The following SERPING1 variants were observed in gnomAD, a reference collection of about 807,000 sequenced individuals.
The protein encoded by SERPING1 is serpin family G member 1.
A neutral mutation model predicts 34.1 loss-of-function variants in SERPING1; 5 were observed. The observed-to-expected ratio is 0.15, with a 90% CI of 0.08 to 0.31. SERPING1 has a LOEUF of 0.31. SERPING1 is among the 10% of genes least tolerant of loss of function. The pLI, the probability that SERPING1 is intolerant of heterozygous loss-of-function variation, is 1.00. For synonymous variants in SERPING1, 225 were observed against 242.4 expected (o/e 0.93, Z 0.67); for missense variants, 505 against 609.5 (o/e 0.83, Z 1.81).
At chr11:57,601,128 C>T (rs1055209372) in intron 3 of SERPING1, among the ~76,000 whole-genome samples, 26 of 151,710 alleles carry the variant, frequency 1.7e-4, no homozygotes, top group African/African-American at 5.8e-4. Flanking sequence ...AGGCCGGATG[C>T]GGTGGTTCAC....
chr11:57,610,977 C>T (rs1393394988), intron 6 of SERPING1, among the ~76,000 whole-genome samples: 1 of 152,076 alleles, frequency 6.6e-6, no homozygotes, highest in Non-Finnish European at 1.5e-5. Context: ...GCTCTGTCAC[C>T]AGGCTGGAGT....
At chr11:57,606,943 T>A (rs1340708348) in intron 6 of SERPING1, 2 of 413,072 alleles carry the variant, frequency 4.8e-6, no homozygotes, top group African/African-American at 4.1e-5. Context: ...AAGTATATCC[T>A]TGTATATGCA....
intron 6 of SERPING1, chr11:57,606,782 T>C (rs757288809): frequency 2.9e-5 from 20 of 692,220 alleles, no homozygotes; most frequent in Non-Finnish European, 4.7e-5. Context: ...GCATCTCTAC[T>C]ATATTGAATG....
intron 4 of SERPING1, among the ~76,000 whole-genome samples, chr11:57,603,824 GC>G (rs1945377473): frequency 7.1e-6 from 1 of 140,170 alleles, no homozygotes; most frequent in African/African-American, 2.7e-5. Flanking sequence ...GGGCAACAGA[GC>G]GAGACACCAT....
chr11:57,608,205 T>C (rs1447547900), intron 6 of SERPING1, among the ~76,000 whole-genome samples: 1 of 152,198 alleles, frequency 6.6e-6, no homozygotes, highest in Non-Finnish European at 1.5e-5. Context: ...GGCTATTTAA[T>C]CAAAGCCATA....
intron 4 of SERPING1, chr11:57,605,500 C>T (rs760495274): frequency 8.6e-5 from 15 of 175,092 alleles, no homozygotes; most frequent in East Asian, 1.5e-4. Context: ...CAAAGTGCTG[C>T]GATTACAGGT....
intron 1 of SERPING1, 137 bp from the exon 2 acceptor site, chr11:57,598,112 T>C: frequency 1.6e-6 from 1 of 606,812 alleles, no homozygotes; most frequent in Non-Finnish European, 2.9e-6. Context: ...AGGGAGAAGG[T>C]GGCCCCAGGA....
At chr11:57,598,112 TGGC>T (rs1351468677) in intron 1 of SERPING1, 134 bp from the exon 2 acceptor site, 9 of 606,692 alleles carry the variant, frequency 1.5e-5, no homozygotes, top group Non-Finnish European at 2.3e-5. Flanking sequence ...AGGGAGAAGG[TGGC>T]CCCAGGAGGG....
At chr11:57,606,711 C>T in intron 6 of SERPING1, 164 bp downstream of exon 6, 1 of 833,798 alleles carries the variant, frequency 1.2e-6, no homozygotes, top group Non-Finnish European at 2.0e-6. Context: ...CTTTCTCTAG[C>T]CTTGGCCAAG....
rs924307128 is a variant in SERPING1, at chr11:57,613,331, C to T, written c.1250-997C>T. Among the ~76,000 whole-genome samples the T allele has an allele frequency of 3.9e-5, 6 of 152,178 alleles. No individual in the cohort carries two copies. The Middle Eastern group carries it at 0.01, about 261-fold the overall frequency. On this transcript the variant is annotated intron_variant, in intron 7 of 7. Transcript: ENST00000278407. ...CAGATCCCGTGCAGTTTAAGTGCTC[C>T]GCCCCAGCAAATTTCCCCCCGTTTC...
chr11:57,612,847 T>C (rs532311128), intron 7 of SERPING1, among the ~76,000 whole-genome samples: 3 of 151,916 alleles, frequency 2.0e-5, no homozygotes, highest in African/African-American at 4.8e-5. Context: ...TGGGTTCAAG[T>C]GATTCTCCTA....
intron 7 of SERPING1, among the ~76,000 whole-genome samples, chr11:57,613,940 G>A (rs1167663966): frequency 2.0e-5 from 3 of 152,110 alleles, no homozygotes; most frequent in African/African-American, 7.2e-5. Context: ...AATATTTGGA[G>A]CTAAAGATGC....
At chr11:57,604,934 G>A (rs1269885527) in intron 4 of SERPING1, among the ~76,000 whole-genome samples, 3 of 151,868 alleles carry the variant, frequency 2.0e-5, no homozygotes, top group East Asian at 1.9e-4. Flanking sequence ...CAAGGAATTC[G>A]AAGTTAGAGT....
intron 4 of SERPING1, among the ~76,000 whole-genome samples, chr11:57,605,375 T>G (rs1019872647): frequency 1.3e-5 from 2 of 151,794 alleles, no homozygotes; most frequent in African/African-American, 2.4e-5. Context: ...CTCAGCTCAC[T>G]GCAACCTCCG....
intron 1 of SERPING1, 192 bp from the exon 2 acceptor site, chr11:57,598,056 CG>C: frequency 1.8e-6 from 1 of 567,992 alleles, no homozygotes; most frequent in Non-Finnish European, 3.2e-6. Flanking sequence ...CAGCCGGTGC[CG>C]GGAAAGGGAA....
chr11:57,608,816 G>GTTT (rs368974252), intron 6 of SERPING1, among the ~76,000 whole-genome samples: 5 of 139,904 alleles, frequency 3.6e-5, no homozygotes, highest in Admixed American at 7.2e-5. Flanking sequence ...CCCAGCCTGA[G>GTTT]TTTTTTTTTT....
intron 2 of SERPING1, among the ~76,000 whole-genome samples, chr11:57,598,831 T>C (rs112656431): frequency 5.9e-4 from 90 of 151,902 alleles, no homozygotes; most frequent in African/African-American, 2.0e-3. Context: ...TGGGGGTCAA[T>C]AGCAGTGAGA....
rs1945514669 is a variant in SERPING1, at chr11:57,614,440, G to A, written c.1362G>A (p.Val454=). The A allele has an allele frequency of 1.2e-6, 2 of 1,613,992 alleles. No individual in the cohort carries two copies. The highest frequency in any genetic ancestry group is 1.1e-5 in the South Asian group (1 of 91,084). The change falls in exon 8 of 8, where the codon GTG becomes GTA. Residue 454 remains valine (V), a synonymous_variant. Coordinates refer to ENST00000278407, the MANE Select transcript of SERPING1 (RefSeq NM_000062.3). ...TGCTGGAACTGACAGAGACTGGGGT[G>A]GAGGCGGCTGCAGCCTCCGCCATCT... ...QTVLELTETG[V]EAAAASAISV... is the part of the protein sequence containing the mutation.
chr11:57,601,327 G>T lies in SERPING1; in HGVS notation c.551-708G>T, dbSNP rs190108507. 6.6e-3 allele frequency among the ~76,000 whole-genome samples: 1,004 copies of T among 151,708 alleles called. 22 individuals are homozygous for T. Among genetic ancestry groups the T allele is most frequent in the African/African-American group, 0.022 (929 of 41,342 alleles). On this transcript the variant is annotated intron_variant, in intron 3 of 7. Transcript: ENST00000278407. ...GAGGCAGGAGAATCACTTGAACACG[G>T]GAGGCAGAGGTTGCAGTGAGCCGAA...
Sources: gnomAD v4.1 joint callset for allele counts (sites outside exome capture counted in the v4.1 genomes callset) on GRCh38, gnomAD v4.1.1 for gene constraint, MANE v1.5 for transcripts, NCBI Gene and HGNC (gene_info 2026-07-23, HGNC 2026-07-21) for gene names.